Variants in LRRC38 observed in about 807,000 individuals in gnomAD.
LRRC38 encodes the protein leucine-rich repeat-containing protein 38.
LRRC38 carries 5 observed loss-of-function variants against 16.4 expected under a neutral mutation model. The ratio of observed to expected loss-of-function variants is 0.31; its 90% CI spans 0.16 to 0.64. The LOEUF (loss-of-function observed/expected upper bound fraction) is 0.64, where lower values mean the gene tolerates loss of function less well. Ranked by LOEUF, LRRC38 falls within the 30% of genes least tolerant of loss-of-function variation. The pLI is 0.80. For synonymous variants in LRRC38, 191 were observed against 190.2 expected, an observed-to-expected ratio of 1.00 and a Z score of -0.04; for missense variants, 341 against 401.8, an observed-to-expected ratio of 0.85 and a Z score of 1.29.
In LRRC38 at chr1:13,513,394, C is replaced by A; in HGVS notation, c.200G>T (p.Arg67Leu). ...GAAGTCCTCGGGGATCCGCTGGATG[C>A]GGTTGCCGGCCACCAGCAGCTTGCG... ...DVRKLLVAGN[R>L]IQRIPEDFFI... The change falls in exon 1 of 2, where the codon CGC becomes CTC. Residue 67 changes from arginine to leucine, a missense_variant. Transcript: ENST00000376085. The A allele has an allele frequency of 6.4e-7, 1 of 1,550,568 alleles. No homozygotes were observed. Among genetic ancestry groups the A allele is most frequent in the Non-Finnish European group, 8.7e-7 (1 of 1,146,930 alleles).
chr1:13,508,637 G>A (rs901247976), intron 1 of LRRC38, among the ~76,000 whole-genome samples: 3 of 152,020 alleles, frequency 2.0e-5, no homozygotes, highest in Non-Finnish European at 2.9e-5. Flanking sequence ...TGATACTTTC[G>A]GCATTTCCCC....
intron 1 of LRRC38, among the ~76,000 whole-genome samples, chr1:13,495,689 T>C (rs1639072769): frequency 6.6e-6 from 1 of 152,130 alleles, no homozygotes; most frequent in African/African-American, 2.4e-5. Flanking sequence ...CACTAAAAAG[T>C]GGTCATTTGG....
intron 1 of LRRC38, among the ~76,000 whole-genome samples, chr1:13,490,528 CT>C (rs1419063603): frequency 2.0e-5 from 3 of 152,148 alleles, no homozygotes; most frequent in Non-Finnish European, 2.9e-5. Flanking sequence ...ACCATCACCC[CT>C]GTCATCTCAA....
At chr1:13,512,925 C>CCCAA in intron 1 of LRRC38, 38 bp downstream of exon 1, 1 of 1,236,064 alleles carries the variant, frequency 8.1e-7, no homozygotes, top group Non-Finnish European at 1.1e-6. Context: ...CTCCCTGCCC[C>CCCAA]CCTCCCTCCC....
intron 1 of LRRC38, among the ~76,000 whole-genome samples, chr1:13,507,972 C>G (rs191744754): frequency 6.6e-6 from 1 of 152,176 alleles, no homozygotes; most frequent in Non-Finnish European, 1.5e-5. Context: ...CAGTGGCTCA[C>G]GCCTGTAATA....
intron 1 of LRRC38, among the ~76,000 whole-genome samples, chr1:13,491,055 C>A (rs890846775): frequency 6.6e-6 from 1 of 152,206 alleles, no homozygotes; most frequent in Non-Finnish European, 1.5e-5. Context: ...TTTAACGTAA[C>A]CCTCTTGCCC....
intron 1 of LRRC38, among the ~76,000 whole-genome samples, chr1:13,495,371 C>A (rs1304936215): frequency 6.6e-6 from 1 of 151,820 alleles, no homozygotes; most frequent in East Asian, 1.9e-4. Flanking sequence ...GACAAGGATC[C>A]GTTGTGAGCA....
At chr1:13,497,818 G>A (rs1315787364) in intron 1 of LRRC38, among the ~76,000 whole-genome samples, 1 of 151,852 alleles carries the variant, frequency 6.6e-6, no homozygotes, top group African/African-American at 2.4e-5. Context: ...AAAATTAGCT[G>A]GGTGTAGTTG....
At chr1:13,493,153 C>T (rs1639037258) in intron 1 of LRRC38, among the ~76,000 whole-genome samples, 2 of 151,712 alleles carry the variant, frequency 1.3e-5, no homozygotes, top group African/African-American at 4.9e-5. Context: ...CCTGGCAAGT[C>T]AGAAATCAAG....
intron 1 of LRRC38, among the ~76,000 whole-genome samples, chr1:13,485,174 G>A (rs1638915711): frequency 6.6e-6 from 1 of 151,762 alleles, no homozygotes; most frequent in Admixed American, 6.6e-5. Context: ...CTACTCAGGA[G>A]GCTGAAGCAG....
At chr1:13,478,518 G>T (rs1408245031) in intron 1 of LRRC38, among the ~76,000 whole-genome samples, 2 of 152,156 alleles carry the variant, frequency 1.3e-5, no homozygotes, top group African/African-American at 4.8e-5. Flanking sequence ...GAGATGCAAG[G>T]ACACCATTTT....
intron 1 of LRRC38, among the ~76,000 whole-genome samples, chr1:13,490,223 C>T (rs1008339852): frequency 1.1e-4 from 16 of 152,028 alleles, no homozygotes; most frequent in African/African-American, 3.1e-4. Flanking sequence ...GTGGCGTGAC[C>T]GGCTGGCTCA....
At chr1:13,480,815 C>T (rs1004815736) in intron 1 of LRRC38, among the ~76,000 whole-genome samples, 5 of 152,154 alleles carry the variant, frequency 3.3e-5, no homozygotes, top group African/African-American at 1.2e-4. Context: ...TTATAAATTA[C>T]CCAGTTTCAG....
chr1:13,497,580 G>A (rs1474562987), intron 1 of LRRC38, among the ~76,000 whole-genome samples: 1 of 151,982 alleles, frequency 6.6e-6, no homozygotes, highest in Non-Finnish European at 1.5e-5. Flanking sequence ...CTTCCTCTCT[G>A]GGGGAATCAC....
At chr1:13,510,941 C>A (rs55655404) in intron 1 of LRRC38, among the ~76,000 whole-genome samples, 1,919 of 152,290 alleles carry the variant, frequency 0.013, 48 homozygotes, top group African/African-American at 0.044. Context: ...GAGATACTCT[C>A]GGGCCACACA....
Position 13,512,980 on chromosome 1 carries a change from G to A in LRRC38, c.614C>T (p.Ala205Val). ...AHLFSWIQEN[A>V]SKLPKGLDEI... ...CGGCTCACCTTTGGGCAGTTTGGAT[G>A]CGTTCTCCTGGATCCAGGAGAAGAG... Residue 205 changes from alanine (A) to valine (V), a missense_variant, in exon 1 of 2, where the codon GCA becomes GTA. Physicochemically the swap from Ala to Val is moderately conservative, Grantham distance 64. Transcript: ENST00000376085. 1.4e-6 allele frequency: 2 copies of A among 1,479,224 alleles called. No individual in the cohort carries two copies. The highest frequency in any genetic ancestry group is 1.8e-6 in the Non-Finnish European group (2 of 1,102,204). The allele number at this position is 1,479,224 out of a possible 1,614,324, so 91.6% of individuals were successfully genotyped here.
At chr1:13,489,524 G>C (rs1638982669) in intron 1 of LRRC38, among the ~76,000 whole-genome samples, 1 of 151,988 alleles carries the variant, frequency 6.6e-6, no homozygotes, top group Non-Finnish European at 1.5e-5. Flanking sequence ...TGGAACCCAG[G>C]TCTCCTGACT....
In LRRC38 at chr1:13,510,446, C is replaced by A. The variant is rs1639261670; in HGVS notation, c.631+2517G>T. Among the ~76,000 whole-genome samples, 3 of 152,326 alleles carry A rather than the reference C, an allele frequency of 2.0e-5. No individual in the cohort carries two copies. In the South Asian group the frequency reaches 6.2e-4, roughly 32 times the overall value. On this transcript the variant is annotated intron_variant, in intron 1 of 1. Coordinates refer to ENST00000376085, the MANE Select transcript of LRRC38 (RefSeq NM_001010847.2). ...TATATACTGTGAGCCAGGCACTGTT[C>A]TCGGTCCTTTATAAATAATGCCCTT...
intron 1 of LRRC38, among the ~76,000 whole-genome samples, chr1:13,477,463 G>A (rs983670224): frequency 4.6e-5 from 7 of 152,166 alleles, no homozygotes; most frequent in African/African-American, 1.7e-4. Flanking sequence ...AACAGGGGTG[G>A]TCAGGAGGTA....
Sources: allele counts gnomAD v4.1 joint callset (sites outside exome capture counted in the v4.1 genomes callset), GRCh38; gene constraint gnomAD v4.1.1; transcripts MANE v1.5; gene names NCBI Gene and HGNC (gene_info 2026-07-23, HGNC 2026-07-21).